TRIM44: variants seen among roughly 807,000 people sequenced by gnomAD.
The protein encoded by TRIM44 is tripartite motif containing 44, also known as tripartite motif-containing protein 44.
Under a neutral mutation model 37.4 loss-of-function variants are expected in TRIM44, and 13 were observed. The ratio of observed to expected loss-of-function variants is 0.35; its 90% CI spans 0.23 to 0.55. The LOEUF (loss-of-function observed/expected upper bound fraction) is 0.55. TRIM44 is among the 20% of genes least tolerant of loss of function. The probability of loss-of-function intolerance (pLI) is 0.89; values close to 1 mark genes in which losing one functional copy is unlikely to be tolerated. For missense variants in TRIM44, 426 were observed against 437.2 expected, an observed-to-expected ratio of 0.97 and a Z score of 0.23; for synonymous variants, 175 against 157.2, an observed-to-expected ratio of 1.11 and a Z score of -0.85.
chr11:35,756,724 G>A (rs1449859160), intron 4 of TRIM44, among the ~76,000 whole-genome samples: 1 of 152,116 alleles, frequency 6.6e-6, no homozygotes. Flanking sequence ...AAGGGTTGTT[G>A]AATTTTGTCA....
intron 4 of TRIM44, among the ~76,000 whole-genome samples, chr11:35,747,287 T>C (rs934333735): frequency 6.6e-6 from 1 of 152,032 alleles, no homozygotes; most frequent in Non-Finnish European, 1.5e-5. Context: ...TAGATCTACA[T>C]ATATAATTTC....
chr11:35,757,154 C>G (rs939265365), intron 4 of TRIM44, among the ~76,000 whole-genome samples: 3 of 152,256 alleles, frequency 2.0e-5, no homozygotes, highest in African/African-American at 7.2e-5. Flanking sequence ...AGTTGGTAAG[C>G]TATTAATTAT....
intron 4 of TRIM44, among the ~76,000 whole-genome samples, chr11:35,757,420 A>G (rs1852660582): frequency 1.3e-5 from 2 of 151,990 alleles, no homozygotes; most frequent in African/African-American, 4.8e-5. Context: ...CTAGCAGTCT[A>G]TCAATTTTGT....
intron 4 of TRIM44, among the ~76,000 whole-genome samples, chr11:35,775,960 G>GGT (rs1244905683): frequency 8.5e-5 from 13 of 152,218 alleles, no homozygotes; most frequent in African/African-American, 2.6e-4. Flanking sequence ...GCCAGGCTTT[G>GGT]GTATCAGGAT....
intron 4 of TRIM44, among the ~76,000 whole-genome samples, chr11:35,746,843 A>G (rs1211235401): frequency 7.2e-5 from 11 of 152,144 alleles, no homozygotes; most frequent in Non-Finnish European, 2.9e-5. Flanking sequence ...AGCGAAGAAA[A>G]ACATTTTCTT....
At chr11:35,792,072 T>TACACAC (rs57127722) in intron 4 of TRIM44, among the ~76,000 whole-genome samples, 1,722 of 136,796 alleles carry the variant, frequency 0.013, 49 homozygotes, top group African/African-American at 0.047. Context: ...GAGTTGCCCC[T>TACACAC]ACACACACAC....
rs1385856265 is a variant in TRIM44, at chr11:35,812,935, G to A, written c.*6550G>A. 1.3e-5 allele frequency: 2 copies of A among 152,152 alleles called. No homozygotes were observed. Among genetic ancestry groups the A allele is most frequent in the Non-Finnish European group, 2.9e-5 (2 of 68,018 alleles). The allele number at this position is 152,152 out of a possible 1,614,324, so 9.4% of individuals were successfully genotyped here. A position where few individuals can be genotyped will look rare whatever the true frequency, so the allele number is the denominator to read the frequency against. ...GCCATAAATAAGAAAATCAACGAGA[G>A]GCAAAACCATGTCTTCTTTTGCTAT... On this transcript the variant is annotated 3_prime_UTR_variant, in exon 5 of 5. Coordinates refer to ENST00000299413, the MANE Select transcript of TRIM44 (RefSeq NM_017583.6).
At chr11:35,733,057 G>T (rs1381195586) in intron 3 of TRIM44, among the ~76,000 whole-genome samples, 1 of 152,084 alleles carries the variant, frequency 6.6e-6, no homozygotes, top group Non-Finnish European at 1.5e-5. Context: ...TTTGTTGAAC[G>T]ATTACAAGGT....
At chr11:35,798,351 G>A (rs889590136) in intron 4 of TRIM44, among the ~76,000 whole-genome samples, 1 of 152,128 alleles carries the variant, frequency 6.6e-6, no homozygotes, top group African/African-American at 2.4e-5. Flanking sequence ...GCTGATCGCG[G>A]TTCCCAGCTT....
chr11:35,767,559 A>G (rs1265723220), intron 4 of TRIM44, among the ~76,000 whole-genome samples: 1 of 151,520 alleles, frequency 6.6e-6, no homozygotes, highest in Non-Finnish European at 1.5e-5. Context: ...GATAATGAGG[A>G]AATATTATGA....
intron 2 of TRIM44, among the ~76,000 whole-genome samples, chr11:35,701,926 C>G (rs1332547552): frequency 6.6e-6 from 1 of 152,144 alleles, no homozygotes; most frequent in African/African-American, 2.4e-5. Flanking sequence ...TTCTGGGTTC[C>G]TTTTCCCAGA....
chr11:35,737,116 T>A (rs112608325), intron 4 of TRIM44, among the ~76,000 whole-genome samples: 1 of 152,106 alleles, frequency 6.6e-6, no homozygotes, highest in African/African-American at 2.4e-5. Flanking sequence ...AGGTTATATA[T>A]AAACAGAGAT....
At chr11:35,715,697 T>G (rs1309596048) in intron 2 of TRIM44, among the ~76,000 whole-genome samples, 1 of 152,084 alleles carries the variant, frequency 6.6e-6, no homozygotes, top group East Asian at 1.9e-4. Context: ...TACCTGAGAC[T>G]GGGTAATTTA....
intron 4 of TRIM44, among the ~76,000 whole-genome samples, chr11:35,767,089 T>C (rs972462192): frequency 2.0e-5 from 3 of 152,192 alleles, no homozygotes; most frequent in Non-Finnish European, 4.4e-5. Context: ...ATCAAGCATG[T>C]GAAGTTCCTT....
At position 35,811,031 on chromosome 11, in the gene TRIM44, A is replaced by ATAAAC. The variant is rs1853522659; in HGVS notation, c.*4649_*4653dup. 1 of 152,222 alleles carries ATAAAC rather than the reference A, an allele frequency of 6.6e-6. No homozygotes were observed. Among genetic ancestry groups the ATAAAC allele is most frequent in the African/African-American group, 2.4e-5 (1 of 41,462 alleles). The allele number at this position is 152,222 out of a possible 1,614,324, so 9.4% of individuals were successfully genotyped here. A position where few individuals can be genotyped will look rare whatever the true frequency, so the allele number is the denominator to read the frequency against. On this transcript the variant is annotated 3_prime_UTR_variant, in exon 5 of 5. Transcript: ENST00000299413. ...GGTGCCCCTGTGCATTTGGAAATCA[A>ATAAAC]TAAACTATTACTGGAAATGCCATTT...
chr11:35,779,597 CTTTAG>C (rs1853032189), intron 4 of TRIM44, among the ~76,000 whole-genome samples: 1 of 152,114 alleles, frequency 6.6e-6, no homozygotes, highest in African/African-American at 2.4e-5. Flanking sequence ...TCCAAAAGCT[CTTTAG>C]TTTAATTATT....
At chr11:35,705,613 C>A (rs1300913218) in intron 2 of TRIM44, among the ~76,000 whole-genome samples, 8 of 150,356 alleles carry the variant, frequency 5.3e-5, no homozygotes, top group African/African-American at 7.3e-5. Flanking sequence ...GAAACTCACT[C>A]AAAACTGCTC....
rs1853490668 is a variant in TRIM44, at chr11:35,808,875, C to G, written c.*2490C>G. ...TGGAGCATGCTGCTTGGCCTTAAGC[C>G]CCAGCATGATGAGGCTTCCCTCCTG... On this transcript the variant is annotated 3_prime_UTR_variant, in exon 5 of 5. Transcript: ENST00000299413. 6.6e-6 allele frequency: 1 copy of G among 152,156 alleles called. No homozygotes were observed. Among genetic ancestry groups the G allele is most frequent in the African/African-American group, 2.4e-5 (1 of 41,422 alleles). The allele number at this position is 152,156 out of a possible 1,614,324, so 9.4% of individuals were successfully genotyped here.
At chr11:35,704,919 T>C (rs1403004817) in intron 2 of TRIM44, among the ~76,000 whole-genome samples, 1 of 150,584 alleles carries the variant, frequency 6.6e-6, no homozygotes, top group Admixed American at 6.6e-5. Context: ...CAATATTAAC[T>C]TTAAATGTAA....
Sources: gnomAD v4.1 joint callset for allele counts (sites outside exome capture counted in the v4.1 genomes callset) on GRCh38, gnomAD v4.1.1 for gene constraint, MANE v1.5 for transcripts, NCBI Gene and HGNC (gene_info 2026-07-23, HGNC 2026-07-21) for gene names.